LRRTM4: variants seen among roughly 807,000 people sequenced by gnomAD.
The protein encoded by LRRTM4 is leucine rich repeat transmembrane neuronal 4, also known as leucine-rich repeat transmembrane neuronal protein 4.
LRRTM4 carries 25 observed loss-of-function variants against 47.6 expected under a neutral mutation model. The observed-to-expected ratio is 0.53, with a 90% CI of 0.38 to 0.73. The LOEUF (loss-of-function observed/expected upper bound fraction) is 0.73. Ranked by LOEUF, LRRTM4 falls within the 30% of genes least tolerant of loss-of-function variation. The pLI is 0.00. For synonymous variants in LRRTM4, 311 were observed against 269.5 expected (o/e 1.15, Z -1.51); for missense variants, 638 against 713.4 (o/e 0.89, Z 1.20).
chr2:77,064,012 G>A (rs1004746763), intron 3 of LRRTM4, among the ~76,000 whole-genome samples: 5 of 152,054 alleles, frequency 3.3e-5, no homozygotes, highest in Non-Finnish European at 2.9e-5. Context: ...GTGTGTGCAC[G>A]TGTCTATATA....
chr2:77,178,283 G>A (rs916797856), intron 3 of LRRTM4, among the ~76,000 whole-genome samples: 36 of 152,018 alleles, frequency 2.4e-4, no homozygotes, highest in Non-Finnish European at 3.5e-4. Flanking sequence ...ATAATTCTGG[G>A]TATACATTTA....
chr2:77,440,870 T>C (rs1226764807), intron 3 of LRRTM4, among the ~76,000 whole-genome samples: 1 of 152,228 alleles, frequency 6.6e-6, no homozygotes, highest in African/African-American at 2.4e-5. Context: ...GGAATGAGTG[T>C]AATATTTTAA....
At chr2:77,009,975 TAAAAA>T (rs60699157) in intron 3 of LRRTM4, among the ~76,000 whole-genome samples, 1 of 145,634 alleles carries the variant, frequency 6.9e-6, no homozygotes, top group Non-Finnish European at 1.5e-5. Context: ...ACCCTTTTTT[TAAAAA>T]AAAAAAAGTT....
At chr2:76,809,150 A>G (rs1486576719) in intron 3 of LRRTM4, among the ~76,000 whole-genome samples, 1 of 152,244 alleles carries the variant, frequency 6.6e-6, no homozygotes, top group East Asian at 1.9e-4. Context: ...GAAGAAAATC[A>G]GTCAGCTATA....
chr2:77,344,793 G>A (rs952160042), intron 3 of LRRTM4, among the ~76,000 whole-genome samples: 9 of 151,306 alleles, frequency 5.9e-5, no homozygotes, highest in Non-Finnish European at 8.9e-5. Flanking sequence ...AGAGTAACCG[G>A]AGTTACTAAC....
Position 77,506,221 on chromosome 2 carries a change from T to G in LRRTM4, c.1551+12097A>C, listed in dbSNP as rs1026893582. On this transcript the variant is annotated intron_variant, in intron 3 of 3. Coordinates refer to ENST00000409884, the MANE Select transcript of LRRTM4 (RefSeq NM_001134745.3). ...ATTAAGTAAAATATCCGGAGAGAATTATAATATTTTAGCAGGAAAAAAACA... is the reference window on the plus strand; with the variant it reads ...ATTAAGTAAAATATCCGGAGAGAATGATAATATTTTAGCAGGAAAAAAACA... 4.0e-5 allele frequency among the ~76,000 whole-genome samples: 6 copies of G among 151,588 alleles called. No homozygotes were observed. In the South Asian group the frequency reaches 1.0e-3, roughly 26 times the overall value.
chr2:77,189,740 T>TTATATATACTTTATATG (rs917479593), intron 3 of LRRTM4, among the ~76,000 whole-genome samples: 8 of 151,340 alleles, frequency 5.3e-5, no homozygotes, highest in African/African-American at 7.4e-5. Context: ...ACTTTATACT[T>TTATATATACTTTATATG]TATATATACT....
intron 3 of LRRTM4, among the ~76,000 whole-genome samples, chr2:77,251,763 A>G (rs13422520): frequency 0.012 from 1,877 of 152,250 alleles, 41 homozygotes; most frequent in African/African-American, 0.043. Flanking sequence ...ATACTCTGTG[A>G]CTGCTAATGG....
intron 3 of LRRTM4, among the ~76,000 whole-genome samples, chr2:77,310,965 ATG>A (rs996845812): frequency 1.3e-5 from 2 of 151,774 alleles, no homozygotes; most frequent in African/African-American, 2.4e-5. Flanking sequence ...TGTGCATGTG[ATG>A]TGTGTCTGAG....
chr2:77,256,334 A>G (rs532046051), intron 3 of LRRTM4, among the ~76,000 whole-genome samples: 1 of 152,286 alleles, frequency 6.6e-6, no homozygotes, highest in East Asian at 1.9e-4. Flanking sequence ...ACTATACCAA[A>G]CATTTGAAGA....
At chr2:77,432,468 A>AAT (rs1675421532) in intron 3 of LRRTM4, among the ~76,000 whole-genome samples, 1 of 152,238 alleles carries the variant, frequency 6.6e-6, no homozygotes, top group Admixed American at 6.5e-5. Flanking sequence ...ATATCCTTTA[A>AAT]ATATATATTG....
At chr2:76,858,595 A>G (rs1283564443) in intron 3 of LRRTM4, among the ~76,000 whole-genome samples, 2 of 152,148 alleles carry the variant, frequency 1.3e-5, no homozygotes, top group Non-Finnish European at 2.9e-5. Context: ...AGTAGGTAAA[A>G]TAGCTTGTTC....
chr2:77,056,334 A>G (rs1452576146), intron 3 of LRRTM4, among the ~76,000 whole-genome samples: 2 of 152,126 alleles, frequency 1.3e-5, no homozygotes, highest in Non-Finnish European at 2.9e-5. Context: ...TTAAATTTGT[A>G]TTTTCCACTA....
At chr2:77,244,801 T>C (rs1327665581) in intron 3 of LRRTM4, among the ~76,000 whole-genome samples, 1 of 152,184 alleles carries the variant, frequency 6.6e-6, no homozygotes, top group East Asian at 1.9e-4. Flanking sequence ...TAATTACCCT[T>C]TGAAGAAGCC....
intron 3 of LRRTM4, among the ~76,000 whole-genome samples, chr2:77,314,557 A>C (rs1677563210): frequency 6.6e-6 from 1 of 152,156 alleles, no homozygotes; most frequent in Admixed American, 6.5e-5. Context: ...TACTAATTAA[A>C]AGTTATTCGG....
chr2:77,399,833 T>C (rs1235504842), intron 3 of LRRTM4, among the ~76,000 whole-genome samples: 1 of 151,868 alleles, frequency 6.6e-6, no homozygotes, highest in African/African-American at 2.4e-5. Flanking sequence ...GGAAAAGATG[T>C]GCATTGAAAT....
intron 3 of LRRTM4, among the ~76,000 whole-genome samples, chr2:77,192,767 A>C (rs957376177): frequency 5.9e-5 from 9 of 152,184 alleles, no homozygotes; most frequent in Non-Finnish European, 7.3e-5. Flanking sequence ...TCTTAAGTTG[A>C]AATTTACTGT....
intron 3 of LRRTM4, among the ~76,000 whole-genome samples, chr2:77,206,648 T>C (rs1362804233): frequency 1.3e-5 from 2 of 152,030 alleles, no homozygotes; most frequent in Admixed American, 6.6e-5. Context: ...CATGCCCAGC[T>C]AATTTTTGCA....
intron 3 of LRRTM4, among the ~76,000 whole-genome samples, chr2:77,227,554 A>G (rs1674849478): frequency 6.6e-6 from 1 of 152,062 alleles, no homozygotes; most frequent in Non-Finnish European, 1.5e-5. Flanking sequence ...CACAAAGACA[A>G]AGATGCCCAA....
Sources: gnomAD v4.1 joint callset for allele counts (sites outside exome capture counted in the v4.1 genomes callset) on GRCh38, gnomAD v4.1.1 for gene constraint, MANE v1.5 for transcripts, NCBI Gene and HGNC (gene_info 2026-07-23, HGNC 2026-07-21) for gene names.